The following FMN2 variants were observed in gnomAD, a reference collection of about 807,000 sequenced individuals.
FMN2 encodes the protein formin 2, also known as formin-2.
A neutral mutation model predicts 142.3 loss-of-function variants in FMN2; 51 were observed. That is an observed-to-expected ratio of 0.36 (90% confidence interval 0.29 to 0.45). The LOEUF is 0.45. Ranked by LOEUF, FMN2 falls within the 20% of genes least tolerant of loss-of-function variation. The probability of loss-of-function intolerance (pLI) is 1.00; values close to 1 mark genes in which losing one functional copy is unlikely to be tolerated. For missense variants in FMN2, 1,936 were observed against 2,122.8 expected, an observed-to-expected ratio of 0.91 and a Z score of 1.73; for synonymous variants, 882 against 869.8, an observed-to-expected ratio of 1.01 and a Z score of -0.25.
In FMN2 at chr1:240,092,284, G is replaced by T. The variant is rs1224822575; in HGVS notation, c.175G>T (p.Gly59Trp). The T allele has an allele frequency of 6.3e-7, 1 of 1,583,504 alleles. No homozygotes were observed. The highest frequency in any genetic ancestry group is 8.6e-7 in the Non-Finnish European group (1 of 1,163,024). Residue 59 changes from glycine (G) to tryptophan (W), a missense_variant, in exon 1 of 18, where the codon GGG (glycine) becomes TGG (tryptophan). Gly to Trp is a radical substitution (Grantham distance 184). Transcript: ENST00000319653. The stretch of plus-strand genomic sequence containing the variant: ...GGGGGGAGGGGGCGGCGGCGGCGGC[G>T]GGGAGTCGGGCAAGAAGAAGAGCAA... ...GKGGGGGGGG[G>W]ESGKKKSKSD...
intron 2 of FMN2, among the ~76,000 whole-genome samples, chr1:240,131,328 CT>C (rs1482897515): frequency 1.3e-5 from 2 of 152,144 alleles, no homozygotes; most frequent in African/African-American, 4.8e-5. Flanking sequence ...AGGTTTTTAA[CT>C]GGGTCTCCTT....
At chr1:240,130,910 T>A (rs1662709526) in intron 2 of FMN2, among the ~76,000 whole-genome samples, 1 of 152,096 alleles carries the variant, frequency 6.6e-6, no homozygotes, top group Non-Finnish European at 1.5e-5. Context: ...CCTCTTTCCC[T>A]TACAACACCT....
At chr1:240,365,562 T>A (rs1006863287) in intron 14 of FMN2, among the ~76,000 whole-genome samples, 1 of 152,220 alleles carries the variant, frequency 6.6e-6, no homozygotes, top group African/African-American at 2.4e-5. Context: ...TTATTATTCA[T>A]ACACTATTTA....
At chr1:240,370,002 T>TG (rs1331110748) in intron 14 of FMN2, among the ~76,000 whole-genome samples, 1 of 152,064 alleles carries the variant, frequency 6.6e-6, no homozygotes, top group African/African-American at 2.4e-5. Context: ...CCTGATTTAG[T>TG]GGGGTGATTC....
chr1:240,123,455 A>G, intron 2 of FMN2, 110 bp downstream of exon 2: 13 of 1,117,014 alleles, frequency 1.2e-5, no homozygotes, highest in Non-Finnish European at 1.6e-5. Flanking sequence ...ATGTGATTCA[A>G]GCATTTTTTT....
intron 4 of FMN2, among the ~76,000 whole-genome samples, chr1:240,193,161 A>G (rs376849492): frequency 1.3e-5 from 2 of 152,126 alleles, no homozygotes; most frequent in Non-Finnish European, 2.9e-5. Context: ...TGGCCTGTGG[A>G]GAAAGGCAAA....
intron 8 of FMN2, among the ~76,000 whole-genome samples, chr1:240,325,056 G>A (rs1207532650): frequency 2.0e-5 from 3 of 152,082 alleles, no homozygotes; most frequent in Admixed American, 2.0e-4. Context: ...AGAATGAAAA[G>A]GGATATGTTT....
intron 4 of FMN2, among the ~76,000 whole-genome samples, chr1:240,194,787 A>G (rs917827262): frequency 3.3e-5 from 5 of 152,240 alleles, no homozygotes; most frequent in Non-Finnish European, 7.3e-5. Context: ...AAGCCTTTAC[A>G]GGCCAAGGCT....
At chr1:240,191,575 TTC>T (rs1245651863) in intron 4 of FMN2, among the ~76,000 whole-genome samples, 1 of 152,262 alleles carries the variant, frequency 6.6e-6, no homozygotes, top group Non-Finnish European at 1.5e-5. Context: ...TGTCTTTTGA[TTC>T]TGTTTATTAA....
At chr1:240,271,417 ATT>A (rs199805120) in intron 7 of FMN2, among the ~76,000 whole-genome samples, 7 of 139,060 alleles carry the variant, frequency 5.0e-5, no homozygotes, top group Non-Finnish European at 4.7e-5. Flanking sequence ...TCAGTGTCTG[ATT>A]TTTTTTTTTT....
At chr1:240,111,384 G>A (rs1232656051) in intron 1 of FMN2, among the ~76,000 whole-genome samples, 3 of 152,170 alleles carry the variant, frequency 2.0e-5, no homozygotes. Flanking sequence ...AATAAAGAAA[G>A]GCTACTCCAT....
chr1:240,363,549 T>C (rs1558453866), intron 14 of FMN2, among the ~76,000 whole-genome samples: 1 of 152,194 alleles, frequency 6.6e-6, no homozygotes. Context: ...CCCTGCCCCT[T>C]GCAGCAGGAG....
At chr1:240,448,894 G>A (rs1467852841) in intron 16 of FMN2, among the ~76,000 whole-genome samples, 1 of 152,132 alleles carries the variant, frequency 6.6e-6, no homozygotes, top group Admixed American at 6.5e-5. Flanking sequence ...TGTAATCCCA[G>A]TACTTTGGGG....
intron 15 of FMN2, among the ~76,000 whole-genome samples, chr1:240,412,370 G>A (rs1180288100): frequency 6.6e-6 from 1 of 152,052 alleles, no homozygotes; most frequent in East Asian, 1.9e-4. Flanking sequence ...TGGAAACTGA[G>A]GATAAGCTAC....
In FMN2 at chr1:240,431,223, C is replaced by T. The variant is rs536351564; in HGVS notation, c.4911-6838C>T. The stretch of plus-strand genomic sequence containing the variant: ...TTATATTGCTTTAAAACATGTCTTT[C>T]CCCAGTGGTCTTTTCCAGGGTGTAT... On this transcript the variant is annotated intron_variant, in intron 15 of 17. Coordinates refer to ENST00000319653, the MANE Select transcript of FMN2 (RefSeq NM_020066.5). Among the ~76,000 whole-genome samples the T allele has an allele frequency of 3.3e-5, 5 of 151,642 alleles. No individual in the cohort carries two copies. The South Asian group carries it at 1.0e-3, about 32-fold the overall frequency.
chr1:240,203,898 A>G (rs1666225976), intron 4 of FMN2, among the ~76,000 whole-genome samples: 1 of 152,202 alleles, frequency 6.6e-6, no homozygotes, highest in Non-Finnish European at 1.5e-5. Context: ...TTTCCCCACA[A>G]AATACATAAC....
intron 8 of FMN2, among the ~76,000 whole-genome samples, chr1:240,300,795 T>C (rs2102971835): frequency 6.6e-6 from 1 of 152,262 alleles, no homozygotes; most frequent in Middle Eastern, 3.4e-3. Flanking sequence ...TTTTTATCAG[T>C]ATGAAATATT....
chr1:240,285,990 TAAAAGGTGATGAG>T (rs927749241), intron 7 of FMN2, among the ~76,000 whole-genome samples: 6 of 152,196 alleles, frequency 3.9e-5, no homozygotes, highest in African/African-American at 1.2e-4. Flanking sequence ...TGCTTAAGTC[TAAAAGGTGATGAG>T]AAGCCCTGAG....
intron 16 of FMN2, among the ~76,000 whole-genome samples, chr1:240,454,965 C>T (rs1258529085): frequency 6.6e-6 from 1 of 152,052 alleles, no homozygotes; most frequent in Non-Finnish European, 1.5e-5. Context: ...AATACAAACC[C>T]AAGTTAGCAA....
Sources: gnomAD v4.1 joint callset for allele counts (sites outside exome capture counted in the v4.1 genomes callset) on GRCh38, gnomAD v4.1.1 for gene constraint, MANE v1.5 for transcripts, NCBI Gene and HGNC (gene_info 2026-07-23, HGNC 2026-07-21) for gene names.